The following ZFHX3 variants were observed in gnomAD, a reference collection of about 807,000 sequenced individuals.
ZFHX3 encodes zinc finger homeobox 3, also known as zinc finger homeobox protein 3.
ZFHX3 carries 42 observed loss-of-function variants against 279.1 expected under a neutral mutation model. The observed-to-expected ratio is 0.15, with a 90% CI of 0.12 to 0.19. The LOEUF is 0.19. Among genes scored for constraint, ZFHX3 ranks in the 10% least tolerant of loss-of-function variants. The probability of loss-of-function intolerance (pLI) is 1.00; values close to 1 mark genes in which losing one functional copy is unlikely to be tolerated. For synonymous variants in ZFHX3, 2,293 were observed against 1,957.8 expected (o/e 1.17, Z -4.52); for missense variants, 4,981 against 4,754.0 (o/e 1.05, Z -1.40).
intron 7 of ZFHX3, among the ~76,000 whole-genome samples, chr16:72,808,712 A>C (rs984875228): frequency 1.3e-5 from 2 of 152,214 alleles, no homozygotes; most frequent in Non-Finnish European, 2.9e-5. Flanking sequence ...CAAGCCCAGC[A>C]GTGCTTTAGG....
chr16:73,379,017 G>A (rs1371378027), intron 3 of ZFHX3, among the ~76,000 whole-genome samples: 6 of 152,112 alleles, frequency 3.9e-5, no homozygotes, highest in South Asian at 2.1e-4. Flanking sequence ...CTAGTGTTTC[G>A]TACAGTCCCA....
At chr16:73,100,319 A>G (rs1597156390) in intron 7 of ZFHX3, among the ~76,000 whole-genome samples, 2 of 152,192 alleles carry the variant, frequency 1.3e-5, no homozygotes, top group Admixed American at 1.3e-4. Flanking sequence ...ATTCAAAAAC[A>G]CCTTGATCAG....
chr16:73,486,736 ATT>A, intron 2 of ZFHX3: 1 of 443,792 alleles, frequency 2.3e-6, no homozygotes, highest in Non-Finnish European at 4.5e-6. Flanking sequence ...TCTCTTGCTC[ATT>A]TTTTTTTCTC....
At chr16:73,601,726 G>A (rs963651208) in intron 2 of ZFHX3, among the ~76,000 whole-genome samples, 1 of 152,104 alleles carries the variant, frequency 6.6e-6, no homozygotes, top group African/African-American at 2.4e-5. Context: ...CTGACTTCTA[G>A]AGCTTTTTTC....
At chr16:73,690,380 TAAG>T (rs2142206554) in intron 1 of ZFHX3, among the ~76,000 whole-genome samples, 1 of 152,280 alleles carries the variant, frequency 6.6e-6, no homozygotes, top group East Asian at 1.9e-4. Context: ...AGCAGCTAGG[TAAG>T]AAGAAAATTT....
At chr16:73,175,083 C>T (rs1352876916) in intron 5 of ZFHX3, among the ~76,000 whole-genome samples, 1 of 151,754 alleles carries the variant, frequency 6.6e-6, no homozygotes, top group Middle Eastern at 3.2e-3. Flanking sequence ...CATTTCCCTG[C>T]TGAAAACCCC....
At chr16:72,947,197 C>T (rs537949934) in intron 3 of ZFHX3, among the ~76,000 whole-genome samples, 10 of 152,088 alleles carry the variant, frequency 6.6e-5, no homozygotes, top group South Asian at 2.1e-4. Flanking sequence ...CCGGATGCCT[C>T]GGGCCCTGCG....
At chr16:73,739,262 G>C (rs1025456503) in intron 1 of ZFHX3, among the ~76,000 whole-genome samples, 11 of 152,184 alleles carry the variant, frequency 7.2e-5, no homozygotes, top group African/African-American at 2.7e-4. Flanking sequence ...CTGGACTGTT[G>C]ACTCAGTGGT....
chr16:73,543,309 C>T (rs879394397), intron 2 of ZFHX3, among the ~76,000 whole-genome samples: 6 of 152,094 alleles, frequency 3.9e-5, no homozygotes, highest in East Asian at 1.9e-4. Context: ...ATAACAAATA[C>T]GATTATTTAT....
intron 1 of ZFHX3, among the ~76,000 whole-genome samples, chr16:73,778,695 T>C (rs1597111224): frequency 6.6e-6 from 1 of 152,370 alleles, no homozygotes; most frequent in Middle Eastern, 3.4e-3. Flanking sequence ...TAGAAAGGTC[T>C]GAAGCGCCTT....
intron 2 of ZFHX3, among the ~76,000 whole-genome samples, chr16:73,479,606 T>C (rs1485783837): frequency 6.6e-6 from 1 of 152,186 alleles, no homozygotes; most frequent in Non-Finnish European, 1.5e-5. Flanking sequence ...CTTCAACCTG[T>C]GATCAGCTTG....
At chr16:73,835,729 C>T (rs755173668) in intron 1 of ZFHX3, among the ~76,000 whole-genome samples, 7 of 152,082 alleles carry the variant, frequency 4.6e-5, no homozygotes, top group Non-Finnish European at 7.3e-5. Context: ...CCTCGGCCTT[C>T]CAGAGTGCTG....
intron 3 of ZFHX3, among the ~76,000 whole-genome samples, chr16:73,392,413 T>C (rs1253202890): frequency 8.3e-5 from 2 of 24,160 alleles, no homozygotes; most frequent in Non-Finnish European, 2.0e-4. Flanking sequence ...AATGAGACCC[T>C]GTCTCAAAAA....
chr16:73,418,138 G>A (rs891061568), intron 3 of ZFHX3, among the ~76,000 whole-genome samples: 2 of 152,206 alleles, frequency 1.3e-5, no homozygotes. Flanking sequence ...AGGCCACTGG[G>A]AACTCGCTAT....
intron 5 of ZFHX3, among the ~76,000 whole-genome samples, chr16:73,186,424 C>T (rs1967908651): frequency 6.6e-6 from 1 of 152,180 alleles, no homozygotes; most frequent in African/African-American, 2.4e-5. Flanking sequence ...TGGACAATAG[C>T]ATTTGCCTCG....
intron 7 of ZFHX3, among the ~76,000 whole-genome samples, chr16:73,095,510 C>T (rs564484857): frequency 3.3e-5 from 5 of 152,348 alleles, no homozygotes; most frequent in Non-Finnish European, 5.9e-5. Flanking sequence ...TTGCCCACAG[C>T]GGCCCAAGTG....
At chr16:73,025,076 TC>T (rs971138789) in intron 1 of ZFHX3, among the ~76,000 whole-genome samples, 4 of 152,082 alleles carry the variant, frequency 2.6e-5, no homozygotes, top group African/African-American at 4.8e-5. Flanking sequence ...AGGAGAAAGT[TC>T]CCACATGCAG....
Position 72,794,832 on chromosome 16 carries a change from T to C in ZFHX3, c.7850A>G (p.Lys2617Arg). The C allele has an allele frequency of 6.2e-7, 1 of 1,614,146 alleles. No homozygotes were observed. Among genetic ancestry groups the C allele is most frequent in the African/African-American group, 1.3e-5 (1 of 75,048 alleles). ...GCTTGCACTGGCCTTTTCCTCCAGC[T>C]TCCTCTTGAGAGTGTTCATTGTGGA... Reference protein sequence around the residue: ...PTSTMNTLKRKLEEKASASPG... With the variant: ...PTSTMNTLKRRLEEKASASPG... Residue 2617 changes from lysine to arginine, a missense_variant, in exon 9 of 10, where the codon AAG becomes AGG. Transcript: ENST00000268489. This position sits in a 1 kb window ranked among gnomAD's most constrained non-coding sequence, Gnocchi z 4.2.
intron 2 of ZFHX3, among the ~76,000 whole-genome samples, chr16:73,669,979 A>G (rs576898090): frequency 6.6e-6 from 1 of 152,240 alleles, no homozygotes; most frequent in South Asian, 2.1e-4. Context: ...CAACAGCTTA[A>G]TAAGTTTTAT....
Sources: allele counts gnomAD v4.1 joint callset (sites outside exome capture counted in the v4.1 genomes callset), GRCh38; gene constraint gnomAD v4.1.1; non-coding constraint Gnocchi (gnomAD v3.1); transcripts MANE v1.5; gene names NCBI Gene and HGNC (gene_info 2026-07-23, HGNC 2026-07-21).